ERN1: variants seen among roughly 807,000 people sequenced by gnomAD.
ERN1 encodes the protein serine/threonine-protein kinase/endoribonuclease IRE1.
A neutral mutation model predicts 113.1 loss-of-function variants in ERN1; 39 were observed. The ratio of observed to expected loss-of-function variants is 0.34; its 90% CI spans 0.27 to 0.45. ERN1 has a LOEUF of 0.45. Ranked by LOEUF, ERN1 falls within the 20% of genes least tolerant of loss-of-function variation. The probability of loss-of-function intolerance (pLI) is 1.00; values close to 1 mark genes in which losing one functional copy is unlikely to be tolerated. For missense variants in ERN1, 976 were observed against 1,274.8 expected (o/e 0.77, Z 3.57); for synonymous variants, 507 against 515.9 (o/e 0.98, Z 0.23).
At chr17:64,102,443 C>G (rs1914412456) in intron 1 of ERN1, among the ~76,000 whole-genome samples, 1 of 152,214 alleles carries the variant, frequency 6.6e-6, no homozygotes, top group South Asian at 2.1e-4. Context: ...CTGGCAGGTT[C>G]TTCTCAAGGC....
intron 11 of ERN1, among the ~76,000 whole-genome samples, chr17:64,060,244 C>T (rs963240754): frequency 6.6e-6 from 1 of 152,174 alleles, no homozygotes; most frequent in Admixed American, 6.5e-5. Context: ...CATCCAGGTC[C>T]AGGCCTAGCT....
At chr17:64,091,714 T>C (rs1226973025) in intron 2 of ERN1, among the ~76,000 whole-genome samples, 2 of 151,438 alleles carry the variant, frequency 1.3e-5, no homozygotes, top group Admixed American at 1.3e-4. Context: ...AGGAGTTACA[T>C]GGCTGCAAGT....
At chr17:64,099,673 C>G (rs1326683141) in intron 1 of ERN1, among the ~76,000 whole-genome samples, 1 of 152,186 alleles carries the variant, frequency 6.6e-6, no homozygotes, top group East Asian at 1.9e-4. Flanking sequence ...TCCCAGAAGG[C>G]CCGGCTACTC....
chr17:64,064,069 G>A lies in ERN1; in HGVS notation c.1004C>T (p.Thr335Met), dbSNP rs770944089. The change falls in exon 10 of 22, where the codon ACG becomes ATG. Residue 335 changes from threonine (T) to methionine (M), a missense_variant. Physicochemically the swap from Thr to Met is moderately conservative, Grantham distance 81. This residue lies in a region of ERN1 where 459 missense variants were observed against 581.2 expected (regional missense o/e 0.79). Coordinates refer to ENST00000433197, the MANE Select transcript of ERN1 (RefSeq NM_001433.5). ...TIGDKGECVI[T>M]PSTDVKFDPG... ...ATCAAACTTGACGTCCGTGCTGGGC[G>A]TGATCACACACTCCCCCTTGTCCCC... The A allele has an allele frequency of 1.1e-5, 17 of 1,613,542 alleles. No homozygotes were observed. The highest frequency in any genetic ancestry group is 3.3e-5 in the Admixed American group (2 of 59,920).
rs187794827 is a variant in ERN1, at chr17:64,071,639, C to T, written c.478+342G>A. On this transcript the variant is annotated intron_variant, in intron 6 of 21. Coordinates refer to ENST00000433197, the MANE Select transcript of ERN1 (RefSeq NM_001433.5). ...GTTTCGCCATGTTGGTCAGGCTGGT[C>T]TCGAACTCCTGACCTCAGGTGATCC... Among the ~76,000 whole-genome samples the T allele has an allele frequency of 1.4e-3, 213 of 152,230 alleles. 1 individual carries two copies. The highest frequency in any genetic ancestry group is 3.4e-3 in the Middle Eastern group (1 of 294).
intron 4 of ERN1, among the ~76,000 whole-genome samples, chr17:64,079,289 C>T (rs1481098207): frequency 6.6e-6 from 1 of 152,120 alleles, no homozygotes; most frequent in African/African-American, 2.4e-5. Context: ...ACATGACTCC[C>T]TTAAGGAGTC....
chr17:64,043,706 G>T lies in ERN1; in HGVS notation c.*282C>A. 2.9e-6 allele frequency: 1 copy of T among 345,370 alleles called. No individual in the cohort carries two copies. Among genetic ancestry groups the T allele is most frequent in the East Asian group, 4.4e-5 (1 of 22,518 alleles). 21.4% of individuals were successfully genotyped at this position (345,370 alleles called of 1,614,324 possible). ...AAGCAAGTTTATCCAGTAGATGGCT[G>T]GGGGTGCTACTCGCGCTGTCTCTGA... On this transcript the variant is annotated 3_prime_UTR_variant, in exon 22 of 22. Transcript: ENST00000433197.
chr17:64,076,742 G>A (rs1470435595), intron 4 of ERN1, among the ~76,000 whole-genome samples: 1 of 152,148 alleles, frequency 6.6e-6, no homozygotes, highest in East Asian at 1.9e-4. Context: ...TGGGACTACA[G>A]GCGCCCGCCA....
At chr17:64,072,188 TGA>T (rs1913442912) in intron 5 of ERN1, 85 bp from the exon 6 acceptor site, 19 of 1,459,644 alleles carry the variant, frequency 1.3e-5, no homozygotes, top group South Asian at 9.7e-5. Flanking sequence ...TGCTCTGTAT[TGA>T]GAGAGATAGA....
In ERN1 at chr17:64,063,669, C is replaced by A. The variant is rs548455459; in HGVS notation, c.1087+317G>T. 2.2e-4 allele frequency among the ~76,000 whole-genome samples: 33 copies of A among 152,314 alleles called. No individual in the cohort carries two copies. The highest frequency in any genetic ancestry group is 7.5e-4 in the African/African-American group (31 of 41,558). On this transcript the variant is annotated intron_variant, in intron 10 of 21. Transcript: ENST00000433197. The surrounding 1 kb of genome is among the most constrained non-coding windows in gnomAD (Gnocchi z 5.1). ...AAAATGGAAATGACAAGGGTACCTACCTCACACAGGGTTGCTGTGAGGAGT... is the reference window on the plus strand; with the variant it reads ...AAAATGGAAATGACAAGGGTACCTAACTCACACAGGGTTGCTGTGAGGAGT...
chr17:64,057,576 G>C (rs1271837386), intron 12 of ERN1, among the ~76,000 whole-genome samples: 1 of 152,120 alleles, frequency 6.6e-6, no homozygotes, highest in East Asian at 1.9e-4. Flanking sequence ...CACTGTGTTA[G>C]CCAGGATGGT....
At position 64,066,847 on chromosome 17, in the gene ERN1, G is replaced by A. The variant is rs757259673; in HGVS notation, c.666C>T (p.Tyr222=). Residue 222 remains tyrosine (Y), a synonymous_variant, in exon 8 of 22, where the codon TAC becomes TAT. Transcript: ENST00000433197. ...ESGDVLWIQN[Y]ASPVVAFYVW... is the part of the protein sequence containing the mutation. ...CATAAAAGGCCACCACAGGGGAGGC[G>A]TAGTTTTGGATCCACAGGACGTCCC... 2.2e-5 allele frequency: 35 copies of A among 1,613,802 alleles called. No homozygotes were observed. The highest frequency in any genetic ancestry group is 1.7e-4 in the Admixed American group (10 of 59,998).
intron 9 of ERN1, among the ~76,000 whole-genome samples, 197 bp from the exon 10 acceptor site, chr17:64,064,348 T>G (rs1054942159): frequency 6.6e-6 from 1 of 152,272 alleles, no homozygotes; most frequent in African/African-American, 2.4e-5. Flanking sequence ...GATGTCTTTA[T>G]GGACGTCTTT....
At chr17:64,101,361 G>C (rs2143460324) in intron 1 of ERN1, among the ~76,000 whole-genome samples, 1 of 152,088 alleles carries the variant, frequency 6.6e-6, no homozygotes, top group Non-Finnish European at 1.5e-5. Flanking sequence ...AGTGAGCTGA[G>C]ATCACGCCAC....
chr17:64,055,789 T>A lies in ERN1; in HGVS notation c.1558A>T (p.Ser520Cys). The A allele has an allele frequency of 6.3e-7, 1 of 1,597,444 alleles. No individual in the cohort carries two copies. The highest frequency in any genetic ancestry group is 1.1e-5 in the South Asian group (1 of 88,672). The change falls in exon 13 of 22, where the codon AGC (serine) becomes TGC (cysteine). Residue 520 changes from serine to cysteine, a missense_variant. Coordinates refer to ENST00000433197, the MANE Select transcript of ERN1 (RefSeq NM_001433.5). ...LLDTSGPYSE[S>C]SGTSSPSTSP... ...GTGCTGGGGCTGCTGGTGCCCGAGC[T>A]CTCTGAGTACGGGCCAGACGTGTCC... is the stretch of plus-strand genomic sequence containing the variant.
In ERN1 at chr17:64,044,616, C is replaced by A. The variant is rs80275525; in HGVS notation, c.2721+244G>T. Among the ~76,000 whole-genome samples the A allele has an allele frequency of 5.3e-3, 804 of 152,368 alleles. 5 individuals carry two copies. Among genetic ancestry groups the A allele is most frequent in the African/African-American group, 0.018 (766 of 41,590 alleles). ...CCCCACAAAAGTCAGCGACCAGAGA[C>A]CATGAGGGACATGGGCCGCAGAGCA... On this transcript the variant is annotated intron_variant, in intron 21 of 21. Transcript: ENST00000433197. This position sits in a 1 kb window ranked among gnomAD's most constrained non-coding sequence, Gnocchi z 4.1.
At chr17:64,108,111 T>C (rs927951558) in intron 1 of ERN1, among the ~76,000 whole-genome samples, 2 of 152,100 alleles carry the variant, frequency 1.3e-5, no homozygotes, top group Non-Finnish European at 2.9e-5. Flanking sequence ...TCAGTGTTTG[T>C]GGCAAGTCTG....
chr17:64,079,324 C>G (rs1001340398), intron 4 of ERN1, among the ~76,000 whole-genome samples: 2 of 152,154 alleles, frequency 1.3e-5, no homozygotes, highest in South Asian at 4.1e-4. Context: ...CAGGTGGAGA[C>G]AGCATTTCAA....
At position 64,066,706 on chromosome 17, in the gene ERN1, C is replaced by T. The variant is rs183713088; in HGVS notation, c.807G>A (p.Pro269=). 96 of 1,613,958 alleles carry T rather than the reference C, an allele frequency of 5.9e-5. No homozygotes were observed. The highest frequency in any genetic ancestry group is 7.4e-5 in the Non-Finnish European group (87 of 1,179,878). ...TCTTGGCCTCTGTCTCCTTGGGGAA[C>T]GGGTACTTCCACTTTGTGATGCGCC... ...EVGRITKWKY[P]FPKETEAKSK... The change falls in exon 8 of 22, where the codon CCG becomes CCA. Residue 269 remains proline, a synonymous_variant. Coordinates refer to ENST00000433197, the MANE Select transcript of ERN1 (RefSeq NM_001433.5).
Sources: allele counts gnomAD v4.1 joint callset (sites outside exome capture counted in the v4.1 genomes callset), GRCh38; gene constraint gnomAD v4.1.1; regional missense constraint gnomAD v4.1.1; non-coding constraint Gnocchi (gnomAD v3.1); transcripts MANE v1.5; gene names NCBI Gene and HGNC (gene_info 2026-07-23, HGNC 2026-07-21).